KCNJ3: variants seen among roughly 807,000 people sequenced by gnomAD.
The protein encoded by KCNJ3 is potassium inwardly rectifying channel subfamily J member 3.
Under a neutral mutation model 39.2 loss-of-function variants are expected in KCNJ3, and 4 were observed. The ratio of observed to expected loss-of-function variants is 0.10; its 90% CI spans 0.05 to 0.23. The LOEUF is 0.23. KCNJ3 is among the 10% of genes least tolerant of loss of function. KCNJ3 has a pLI of 1.00. For synonymous variants in KCNJ3, 230 were observed against 237.4 expected (o/e 0.97, Z 0.29); for missense variants, 276 against 634.9 (o/e 0.43, Z 6.08).
chr2:154,725,527 G>C (rs888274983), intron 2 of KCNJ3, among the ~76,000 whole-genome samples: 1 of 151,736 alleles, frequency 6.6e-6, no homozygotes, highest in African/African-American at 2.4e-5. Flanking sequence ...TCCACTCCCA[G>C]TGTTTTTTTC....
intron 2 of KCNJ3, among the ~76,000 whole-genome samples, chr2:154,813,225 T>A (rs1425145517): frequency 6.6e-6 from 1 of 152,192 alleles, no homozygotes; most frequent in Admixed American, 6.5e-5. Context: ...CAGTTGTGCT[T>A]CATTTTCTGC....
At chr2:154,754,483 C>G (rs985899371) in intron 2 of KCNJ3, among the ~76,000 whole-genome samples, 6 of 152,170 alleles carry the variant, frequency 3.9e-5, no homozygotes, top group Admixed American at 3.3e-4. Context: ...CTGTGTTGGC[C>G]AGGCTGGTCT....
At chr2:154,760,142 C>T (rs1404592819) in intron 2 of KCNJ3, among the ~76,000 whole-genome samples, 4 of 152,140 alleles carry the variant, frequency 2.6e-5, no homozygotes, top group Non-Finnish European at 5.9e-5. Flanking sequence ...CTAACCAGCA[C>T]CTGGTGTTAT....
At chr2:154,738,607 T>G (rs1180620649) in intron 2 of KCNJ3, among the ~76,000 whole-genome samples, 1 of 151,878 alleles carries the variant, frequency 6.6e-6, no homozygotes, top group Non-Finnish European at 1.5e-5. Flanking sequence ...AAAATTAAAT[T>G]AGTGTAGACA....
intron 2 of KCNJ3, among the ~76,000 whole-genome samples, chr2:154,728,619 A>G (rs1022439356): frequency 6.6e-6 from 1 of 152,208 alleles, no homozygotes; most frequent in Non-Finnish European, 1.5e-5. Flanking sequence ...TTTCCTATAA[A>G]AGAATGTAGC....
At chr2:154,801,731 G>T (rs1207901488) in intron 2 of KCNJ3, among the ~76,000 whole-genome samples, 2 of 151,642 alleles carry the variant, frequency 1.3e-5, no homozygotes, top group African/African-American at 4.8e-5. Context: ...GGTTCAAGCT[G>T]TTCTCCCACA....
intron 1 of KCNJ3, among the ~76,000 whole-genome samples, chr2:154,704,776 T>G (rs1237942634): frequency 6.6e-6 from 1 of 152,182 alleles, no homozygotes; most frequent in Admixed American, 6.5e-5. Flanking sequence ...TTCTGGTACC[T>G]GCGTTTGGCT....
intron 2 of KCNJ3, among the ~76,000 whole-genome samples, chr2:154,822,336 C>T (rs958648143): frequency 2.0e-5 from 3 of 152,132 alleles, no homozygotes; most frequent in Admixed American, 1.3e-4. Context: ...CTGTGTGCCT[C>T]ATAATTATCT....
chr2:154,822,873 G>A (rs1687208341), intron 2 of KCNJ3, among the ~76,000 whole-genome samples: 1 of 151,796 alleles, frequency 6.6e-6, no homozygotes, highest in African/African-American at 2.4e-5. Flanking sequence ...GCTTTTAGCT[G>A]ACTAAGTAAT....
At chr2:154,795,395 C>G (rs1686704532) in intron 2 of KCNJ3, among the ~76,000 whole-genome samples, 1 of 151,724 alleles carries the variant, frequency 6.6e-6, no homozygotes, top group Non-Finnish European at 1.5e-5. Flanking sequence ...TTTTTTTCTT[C>G]TTCCATTTAT....
rs527714185 is a variant in KCNJ3 at position 154,845,484 on chromosome 2, G to A, written c.920-9243G>A. Among the ~76,000 whole-genome samples, 6 of 152,224 alleles carry A rather than the reference G, an allele frequency of 3.9e-5. No homozygotes were observed. The South Asian group carries it at 1.2e-3, about 32-fold the overall frequency. ...TTCAACAATAGTTTTATATTATATTGTAGTTATATAGTTAAGATATTTTGA... is the reference window on the plus strand; with the variant it reads ...TTCAACAATAGTTTTATATTATATTATAGTTATATAGTTAAGATATTTTGA... On this transcript the variant is annotated intron_variant, in intron 2 of 2. Coordinates refer to ENST00000295101, the MANE Select transcript of KCNJ3 (RefSeq NM_002239.4).
intron 2 of KCNJ3, among the ~76,000 whole-genome samples, chr2:154,837,007 T>C (rs1048065541): frequency 1.3e-5 from 2 of 152,176 alleles, no homozygotes; most frequent in African/African-American, 4.8e-5. Flanking sequence ...ATTTTAAAGG[T>C]GATCAATCAT....
intron 2 of KCNJ3, among the ~76,000 whole-genome samples, chr2:154,799,557 A>G (rs974316087): frequency 1.3e-5 from 2 of 152,178 alleles, no homozygotes; most frequent in African/African-American, 2.4e-5. Context: ...TTTGCATGCT[A>G]GAAGCAACCA....
intron 2 of KCNJ3, among the ~76,000 whole-genome samples, chr2:154,711,032 T>C (rs1685094783): frequency 6.6e-6 from 1 of 152,142 alleles, no homozygotes; most frequent in African/African-American, 2.4e-5. Flanking sequence ...TGAAGCACTA[T>C]TATTAGTTAC....
intron 2 of KCNJ3, among the ~76,000 whole-genome samples, chr2:154,760,793 G>A (rs961183393): frequency 7.1e-6 from 1 of 141,118 alleles, no homozygotes; most frequent in East Asian, 2.1e-4. Flanking sequence ...CTGGAGTGCA[G>A]TGGTGCGATC....
intron 2 of KCNJ3, among the ~76,000 whole-genome samples, chr2:154,715,750 G>A (rs1005160876): frequency 1.5e-5 from 2 of 132,308 alleles, no homozygotes; most frequent in African/African-American, 2.8e-5. Context: ...AATCCCTTTC[G>A]TGTCAAGTTA....
At chr2:154,816,102 A>T (rs1360083968) in intron 2 of KCNJ3, among the ~76,000 whole-genome samples, 2 of 152,194 alleles carry the variant, frequency 1.3e-5, no homozygotes, top group Non-Finnish European at 2.9e-5. Flanking sequence ...AGATTCGCAA[A>T]ACTGTGAATG....
At chr2:154,830,188 A>G (rs1236934307) in intron 2 of KCNJ3, among the ~76,000 whole-genome samples, 1 of 152,160 alleles carries the variant, frequency 6.6e-6, no homozygotes, top group Non-Finnish European at 1.5e-5. Context: ...GTTTTAAATT[A>G]TGTTTCCTCA....
intron 1 of KCNJ3, among the ~76,000 whole-genome samples, chr2:154,705,803 A>G (rs1045427750): frequency 6.6e-6 from 1 of 152,118 alleles, no homozygotes; most frequent in Non-Finnish European, 1.5e-5. Flanking sequence ...ACAAATTTTA[A>G]GCTCTAGATT....
Sources: allele counts gnomAD v4.1 joint callset (sites outside exome capture counted in the v4.1 genomes callset), GRCh38; gene constraint gnomAD v4.1.1; transcripts MANE v1.5; gene names NCBI Gene and HGNC (gene_info 2026-07-23, HGNC 2026-07-21).